The following ASB15 variants were observed in gnomAD, a reference collection of about 807,000 sequenced individuals.
The protein encoded by ASB15 is ankyrin repeat and SOCS box protein 15.
Under a neutral mutation model 58.0 loss-of-function variants are expected in ASB15, and 54 were observed. That is an observed-to-expected ratio of 0.93 (90% CI 0.75 to 1.17). The LOEUF (loss-of-function observed/expected upper bound fraction) is 1.17, where lower values mean the gene tolerates loss of function less well. Ranked by LOEUF, ASB15 falls within the 50% of genes most tolerant of loss-of-function variation. The pLI, the probability that ASB15 is intolerant of heterozygous loss-of-function variation, is 0.00. For synonymous variants in ASB15, 249 were observed against 262.4 expected, an observed-to-expected ratio of 0.95 and a Z score of 0.50; for missense variants, 680 against 707.4, an observed-to-expected ratio of 0.96 and a Z score of 0.44.
At chr7:123,620,267 G>A (rs571277414) in intron 7 of ASB15, 1 of 152,038 alleles carries the variant, frequency 6.6e-6, no homozygotes, top group East Asian at 1.9e-4. Flanking sequence ...TGTCTACCTG[G>A]ATGGTCTGTG....
At chr7:123,580,953 CAA>C (rs1799217233) in intron 1 of ASB15, among the ~76,000 whole-genome samples, 1 of 151,912 alleles carries the variant, frequency 6.6e-6, no homozygotes, top group Admixed American at 6.6e-5. Flanking sequence ...TAAGTCTCAG[CAA>C]AGAGTTCAAA....
intron 1 of ASB15, among the ~76,000 whole-genome samples, chr7:123,582,858 A>G (rs948204630): frequency 6.6e-6 from 1 of 152,068 alleles, no homozygotes; most frequent in Non-Finnish European, 1.5e-5. Context: ...ATACTTGGCA[A>G]ATAAATGAAT....
At chr7:123,576,604 G>GTGTA (rs749721840) in intron 1 of ASB15, among the ~76,000 whole-genome samples, 30 of 152,246 alleles carry the variant, frequency 2.0e-4, no homozygotes, top group South Asian at 4.1e-4. Context: ...GGGATTCTCT[G>GTGTA]TGTAGCTCCA....
Position 123,637,878 on chromosome 7 carries a change from T to TAACAAAAAAAAAAAAAAA in ASB15, c.*899_*900insCAAAAAAAAAAAAAAAAA. The TAACAAAAAAAAAAAAAAA allele has an allele frequency of 1.9e-5, 1 of 52,468 alleles. No individual in the cohort carries two copies. The highest frequency in any genetic ancestry group is 3.7e-5 in the Non-Finnish European group (1 of 26,694). The allele number at this position is 52,468 out of a possible 1,614,324, so 3.3% of individuals were successfully genotyped here. ...AAATTCAACATGTCCCCAGATGAAC[T>TAACAAAAAAAAAAAAAAA]AAAAAAAAAAAAAAAAAAAAAACCT... On this transcript the variant is annotated 3_prime_UTR_variant, in exon 12 of 12. Coordinates refer to ENST00000451215, the MANE Select transcript of ASB15 (RefSeq NM_001290258.2).
At chr7:123,626,986 T>C in intron 8 of ASB15, 124 bp from the exon 9 acceptor site, 1 of 987,542 alleles carries the variant, frequency 1.0e-6, no homozygotes, top group Non-Finnish European at 1.5e-6. Flanking sequence ...TCCGCCCGCC[T>C]CAGCCTCCAG....
upstream of ASB15, among the ~76,000 whole-genome samples, chr7:123,600,126 TATC>T (rs758576118): frequency 6.6e-5 from 10 of 152,082 alleles, no homozygotes; most frequent in Non-Finnish European, 7.4e-5. Context: ...ATGGTCATTG[TATC>T]ATCATCATCA....
intron 1 of ASB15, among the ~76,000 whole-genome samples, chr7:123,573,168 TAG>T (rs1798963095): frequency 6.6e-6 from 1 of 152,080 alleles, no homozygotes; most frequent in Non-Finnish European, 1.5e-5. Context: ...TATGTAAAAA[TAG>T]AGATTTTTCT....
chr7:123,582,385 C>T (rs1478558059), intron 1 of ASB15, among the ~76,000 whole-genome samples: 1 of 151,818 alleles, frequency 6.6e-6, no homozygotes, highest in African/African-American at 2.4e-5. Flanking sequence ...CCTAGTGCAC[C>T]CCAAAGAGAA....
intron 8 of ASB15, among the ~76,000 whole-genome samples, chr7:123,625,160 C>T (rs1801692829): frequency 6.6e-6 from 1 of 152,188 alleles, no homozygotes; most frequent in Admixed American, 6.5e-5. Context: ...TAATTTCTCT[C>T]AACAGGATTG....
At chr7:123,599,047 G>A (rs1562918383), upstream of ASB15, 2 of 152,096 alleles carry the variant, frequency 1.3e-5, no homozygotes, top group Admixed American at 6.6e-5. Flanking sequence ...CTTTTCTACT[G>A]TTTTATGCCT....
intron 1 of ASB15, among the ~76,000 whole-genome samples, chr7:123,573,827 T>G (rs1798982828): frequency 6.6e-6 from 1 of 152,182 alleles, no homozygotes; most frequent in Non-Finnish European, 1.5e-5. Flanking sequence ...TGTTCCAGTT[T>G]TATTTCTGTT....
At chr7:123,612,746 A>T (rs1296467120) in intron 3 of ASB15, among the ~76,000 whole-genome samples, 1 of 152,194 alleles carries the variant, frequency 6.6e-6, no homozygotes, top group Non-Finnish European at 1.5e-5. Context: ...AACAAAGAAG[A>T]GCCCGAATTA....
chr7:123,593,958 C>T (rs532269608), intron 1 of ASB15, among the ~76,000 whole-genome samples: 156 of 152,232 alleles, frequency 1.0e-3, no homozygotes, highest in African/African-American at 3.6e-3. Flanking sequence ...TCCCATATTT[C>T]TTGGAGGCTT....
chr7:123,592,188 T>G (rs1799558259), intron 1 of ASB15, among the ~76,000 whole-genome samples: 1 of 152,190 alleles, frequency 6.6e-6, no homozygotes, highest in African/African-American at 2.4e-5. Flanking sequence ...TCTTATCTCT[T>G]TTCTTCTTTA....
chr7:123,631,136 ATTTT>A (rs1214763848), intron 11 of ASB15, among the ~76,000 whole-genome samples: 1 of 152,142 alleles, frequency 6.6e-6, no homozygotes. Flanking sequence ...GTGGAGGAGG[ATTTT>A]TTTATTTCCT....
At chr7:123,583,445 T>C (rs1799290532) in intron 1 of ASB15, among the ~76,000 whole-genome samples, 1 of 151,946 alleles carries the variant, frequency 6.6e-6, no homozygotes. Context: ...AATACACTCT[T>C]TACCTCAACA....
chr7:123,623,931 A>AAAAGAAAGAAAGAAAG (rs201240574), intron 7 of ASB15, among the ~76,000 whole-genome samples: 8 of 103,416 alleles, frequency 7.7e-5, no homozygotes, highest in Non-Finnish European at 5.7e-5. Flanking sequence ...AGAAAGAAAG[A>AAAAGAAAGAAAGAAAG]AAAGAAAGAA....
At chr7:123,588,679 AT>A (rs1038419467) in intron 1 of ASB15, among the ~76,000 whole-genome samples, 176 of 126,502 alleles carry the variant, frequency 1.4e-3, no homozygotes, top group African/African-American at 4.7e-3. Flanking sequence ...TTTATTTGGG[AT>A]TTTTTTTTTC....
At chr7:123,588,023 T>C (rs1321293228) in intron 1 of ASB15, among the ~76,000 whole-genome samples, 1 of 151,814 alleles carries the variant, frequency 6.6e-6, no homozygotes, top group Non-Finnish European at 1.5e-5. Flanking sequence ...TGTCTGGCTT[T>C]GGTATCAGGA....
Sources: allele counts gnomAD v4.1 joint callset (sites outside exome capture counted in the v4.1 genomes callset), GRCh38; gene constraint gnomAD v4.1.1; transcripts MANE v1.5; gene names NCBI Gene and HGNC (gene_info 2026-07-23, HGNC 2026-07-21).